WIPF1: variants seen among roughly 807,000 people sequenced by gnomAD.
The protein encoded by WIPF1 is WAS/WASL-interacting protein family member 1.
A neutral mutation model predicts 35.4 loss-of-function variants in WIPF1; 13 were observed. The observed-to-expected ratio is 0.37, with a 90% CI of 0.24 to 0.58. WIPF1 has a LOEUF of 0.58. Ranked by LOEUF, WIPF1 falls within the 20% of genes least tolerant of loss-of-function variation. The probability of loss-of-function intolerance (pLI) is 0.74; values close to 1 mark genes in which losing one functional copy is unlikely to be tolerated. For missense variants in WIPF1, 591 were observed against 667.0 expected, an observed-to-expected ratio of 0.89 and a Z score of 1.25; for synonymous variants, 267 against 266.3, an observed-to-expected ratio of 1.00 and a Z score of -0.02.
intron 1 of WIPF1, among the ~76,000 whole-genome samples, chr2:174,604,680 C>T (rs752745624): frequency 1.3e-5 from 2 of 152,060 alleles, no homozygotes; most frequent in Non-Finnish European, 2.9e-5. Flanking sequence ...GGAGATAGTC[C>T]GAAGAGCTGG....
rs542263831 is a variant in WIPF1 at position 174,596,862 on chromosome 2, AT to A, written c.-39+738del. Among the ~76,000 whole-genome samples, 414 of 152,356 alleles carry A rather than the reference AT, an allele frequency of 2.7e-3. 1 individual carries two copies. Among genetic ancestry groups the A allele is most frequent in the African/African-American group, 9.5e-3 (397 of 41,588 alleles). ...CATAAGTCAAATTGTTTCTTCCTACATATTCTAGAAAAAAGTTTTTTAATGT... is the reference window on the plus strand; with the variant it reads ...CATAAGTCAAATTGTTTCTTCCTACAATTCTAGAAAAAAGTTTTTTAATGT... On this transcript the variant is annotated intron_variant, in intron 1 of 7. Coordinates refer to ENST00000679041, the MANE Select transcript of WIPF1 (RefSeq NM_001375834.1).
chr2:174,658,447 C>T (rs1323487494), intron 1 of WIPF1, among the ~76,000 whole-genome samples: 2 of 152,002 alleles, frequency 1.3e-5, no homozygotes, highest in African/African-American at 4.8e-5. Flanking sequence ...ACAGGTGGGC[C>T]TGGAATTCAG....
At chr2:174,595,290 C>CA (rs377491345) in intron 1 of WIPF1, among the ~76,000 whole-genome samples, 6,333 of 45,002 alleles carry the variant, frequency 0.14, 392 homozygotes, top group African/African-American at 0.2. Flanking sequence ...AACCCTGTCT[C>CA]AAAAAAAAAA....
At chr2:174,650,174 G>T (rs945634884) in intron 1 of WIPF1, among the ~76,000 whole-genome samples, 1 of 152,032 alleles carries the variant, frequency 6.6e-6, no homozygotes, top group Non-Finnish European at 1.5e-5. Context: ...GTACAGCTGT[G>T]CCCCCTTACT....
intron 3 of WIPF1, among the ~76,000 whole-genome samples, chr2:174,577,929 A>AAG (rs1553527283): frequency 6.6e-6 from 1 of 151,114 alleles, no homozygotes; most frequent in African/African-American, 2.4e-5. Context: ...AAAAAAAAAA[A>AAG]GGGGGATAAA....
chr2:174,673,444 C>T (rs907019771), intron 1 of WIPF1: 1 of 152,278 alleles, frequency 6.6e-6, no homozygotes, highest in African/African-American at 2.4e-5. Context: ...ATTCCATAAA[C>T]TCATTCAGCC....
chr2:174,643,283 A>G (rs1687337092), intron 1 of WIPF1, among the ~76,000 whole-genome samples: 1 of 149,770 alleles, frequency 6.7e-6, no homozygotes, highest in Non-Finnish European at 1.5e-5. Flanking sequence ...GAAAAATGCT[A>G]TTCAAATATT....
At chr2:174,591,653 ACT>A (rs200865603) in intron 1 of WIPF1, among the ~76,000 whole-genome samples, 6,570 of 148,726 alleles carry the variant, frequency 0.044, 203 homozygotes, top group Non-Finnish European at 0.066. Context: ...AAATTTAATT[ACT>A]GTTTCTTCTT....
chr2:174,626,418 A>C (rs1028405607), intron 1 of WIPF1, among the ~76,000 whole-genome samples: 3 of 152,214 alleles, frequency 2.0e-5, no homozygotes, highest in Non-Finnish European at 4.4e-5. Context: ...GACCATTAAG[A>C]AAGATGACTT....
rs1489687204 is a variant in WIPF1, at chr2:174,567,191, G to A, written c.1343-8C>T. The A allele has an allele frequency of 6.2e-7, 1 of 1,610,354 alleles. No individual in the cohort carries two copies. Among genetic ancestry groups the A allele is most frequent in the South Asian group, 1.1e-5 (1 of 90,988 alleles). ...ATCTGCTTTCCCACTCATCTGGGAA[G>A]AGAAACAAGCAGTATCTTCAGTGAC... On this transcript the variant is annotated splice_region_variant and splice_polypyrimidine_tract_variant and intron_variant, in intron 6 of 7. Coordinates refer to ENST00000679041, the MANE Select transcript of WIPF1 (RefSeq NM_001375834.1).
At chr2:174,573,271 G>A (rs200645443) in intron 4 of WIPF1, among the ~76,000 whole-genome samples, 44 of 138,436 alleles carry the variant, frequency 3.2e-4, no homozygotes, top group East Asian at 1.5e-3. Flanking sequence ...AGGTAATTCT[G>A]AAAAAAAAAA....
chr2:174,673,217 C>G (rs1688057685), intron 1 of WIPF1: 1 of 152,214 alleles, frequency 6.6e-6, no homozygotes, highest in Admixed American at 6.5e-5. Context: ...TCACAGCAAG[C>G]CAGGCACTTG....
At chr2:174,567,295 T>G in intron 6 of WIPF1, 112 bp from the exon 7 acceptor site, 5 of 993,246 alleles carry the variant, frequency 5.0e-6, no homozygotes, top group Non-Finnish European at 7.6e-6. Flanking sequence ...CAGTGCTAGT[T>G]TTTATGCCTA....
intron 1 of WIPF1, among the ~76,000 whole-genome samples, chr2:174,665,968 C>T (rs1225978796): frequency 6.6e-6 from 1 of 152,224 alleles, no homozygotes; most frequent in Non-Finnish European, 1.5e-5. Flanking sequence ...CACTTGTAGC[C>T]TCTTAAATTT....
chr2:174,571,754 G>A lies in WIPF1; in HGVS notation c.1051C>T (p.Pro351Ser). Reference sequence around the variant, plus strand: ...GGAGGAAGAGGACCTGAACGTCCTGGCGAAGGTAACGGGGGCGTGGACGAA... The same window carrying A: ...GGAGGAAGAGGACCTGAACGTCCTGACGAAGGTAACGGGGGCGTGGACGAA... ...LSSSTPPLPS[P>S]GRSGPLPPPP... Residue 351 changes from proline to serine, a missense_variant, in exon 5 of 8, where the codon CCA (proline) becomes TCA (serine). Physicochemically the swap from Pro to Ser is moderately conservative, Grantham distance 74. Coordinates refer to ENST00000679041, the MANE Select transcript of WIPF1 (RefSeq NM_001375834.1). The surrounding 1 kb of genome is among the most constrained non-coding windows in gnomAD (Gnocchi z 4.6). The A allele has an allele frequency of 6.2e-7, 1 of 1,614,226 alleles. No homozygotes were observed. The highest frequency in any genetic ancestry group is 2.2e-5 in the East Asian group (1 of 44,880).
At chr2:174,595,109 A>AAAAAAATATATAT (rs1553529785) in intron 1 of WIPF1, among the ~76,000 whole-genome samples, 4 of 57,748 alleles carry the variant, frequency 6.9e-5, no homozygotes, top group Non-Finnish European at 1.1e-4. Context: ...AAAAAAAAAA[A>AAAAAAATATATAT]ATATATATAT....
At chr2:174,642,856 G>C (rs2105949915) in intron 1 of WIPF1, among the ~76,000 whole-genome samples, 1 of 149,320 alleles carries the variant, frequency 6.7e-6, no homozygotes, top group South Asian at 2.1e-4. Context: ...ACTTTGTTTT[G>C]CTTTATTTTA....
chr2:174,566,714 A>C (rs777840686), intron 7 of WIPF1: 3 of 186,298 alleles, frequency 1.6e-5, no homozygotes, highest in African/African-American at 2.3e-5. Context: ...GTTATAATTA[A>C]TCAGACATTA....
At position 174,562,492 on chromosome 2, in the gene WIPF1, C is replaced by A. The variant is rs995412853; in HGVS notation, c.*55G>T. ...GAAGCAGGGAGGAGGGTATGCAGTT[C>A]TTAGATAGCAACAGAAGCAGCTCTT... On this transcript the variant is annotated 3_prime_UTR_variant, in exon 8 of 8. Transcript: ENST00000679041. The A allele has an allele frequency of 6.8e-6, 11 of 1,613,112 alleles. No individual in the cohort carries two copies. In the Admixed American group the frequency reaches 1.3e-4, roughly 20 times the overall value.
Sources: gnomAD v4.1 joint callset for allele counts (sites outside exome capture counted in the v4.1 genomes callset) on GRCh38, gnomAD v4.1.1 for gene constraint, Gnocchi (gnomAD v3.1) non-coding constraint, MANE v1.5 for transcripts, NCBI Gene and HGNC (gene_info 2026-07-23, HGNC 2026-07-21) for gene names.